Variants in AFG2A observed in about 807,000 individuals in gnomAD.
AFG2A encodes the protein ATPase family gene 2 protein homolog A.
the AFG2A span, among the ~76,000 whole-genome samples, chr4:123,297,211 A>AT: frequency 6.6e-6 from 1 of 152,198 alleles, no homozygotes; most frequent in Non-Finnish European, 1.5e-5. Context: ...CAAAGATAGC[A>AT]TTTTCTAACT....
chr4:122,970,616 C>T, the AFG2A span, among the ~76,000 whole-genome samples: 9 of 150,838 alleles, frequency 6.0e-5, no homozygotes, highest in Non-Finnish European at 1.0e-4. Context: ...CATTGTGTTA[C>T]GGTTACCTAC....
the AFG2A span, among the ~76,000 whole-genome samples, chr4:123,299,161 G>A: frequency 6.7e-5 from 10 of 150,118 alleles, no homozygotes; most frequent in Admixed American, 1.3e-4. Flanking sequence ...GTCTGTGCAC[G>A]CATGCATGTA....
At chr4:123,108,717 T>G in the AFG2A span, among the ~76,000 whole-genome samples, 5 of 152,144 alleles carry the variant, frequency 3.3e-5, no homozygotes, top group Non-Finnish European at 7.4e-5. Context: ...TATAAAAGTA[T>G]AGTATATTCT....
At chr4:123,044,680 A>G in the AFG2A span, among the ~76,000 whole-genome samples, 3 of 152,152 alleles carry the variant, frequency 2.0e-5, no homozygotes, top group African/African-American at 7.2e-5. Context: ...TTAAAATAAT[A>G]CATCTTTTAC....
the AFG2A span, among the ~76,000 whole-genome samples, chr4:122,989,894 G>A: frequency 1.3e-5 from 2 of 152,100 alleles, no homozygotes; most frequent in Non-Finnish European, 2.9e-5. Context: ...ATCTCTCTTT[G>A]TTGCCCAGGC....
At chr4:123,156,025 A>G in the AFG2A span, among the ~76,000 whole-genome samples, 2 of 152,128 alleles carry the variant, frequency 1.3e-5, no homozygotes, top group African/African-American at 4.8e-5. Flanking sequence ...GGCAGCTTCT[A>G]CCTCTGAGGA....
At chr4:123,036,656 A>G in the AFG2A span, among the ~76,000 whole-genome samples, 1 of 152,156 alleles carries the variant, frequency 6.6e-6, no homozygotes, top group Non-Finnish European at 1.5e-5. Flanking sequence ...TACACATTTT[A>G]CAACTTGCCT....
the AFG2A span, among the ~76,000 whole-genome samples, chr4:123,146,928 G>C: frequency 0.15 from 23,174 of 152,026 alleles, 2,165 homozygotes; most frequent in East Asian, 0.45. Context: ...AGTCTTCCGT[G>C]AGCAAAGATC....
At chr4:122,930,774 G>T in the AFG2A span, among the ~76,000 whole-genome samples, 1 of 152,104 alleles carries the variant, frequency 6.6e-6, no homozygotes, top group African/African-American at 2.4e-5. Context: ...GCAGTAATTC[G>T]TTGACTGGAA....
At chr4:123,219,348 A>G in the AFG2A span, among the ~76,000 whole-genome samples, 2 of 152,190 alleles carry the variant, frequency 1.3e-5, no homozygotes, top group Non-Finnish European at 2.9e-5. Flanking sequence ...GCTGGCGGCC[A>G]TTGGATGGCA....
chr4:123,183,792 C>T, the AFG2A span, among the ~76,000 whole-genome samples: 2 of 152,158 alleles, frequency 1.3e-5, no homozygotes, highest in Admixed American at 6.5e-5. Flanking sequence ...TAGGGTCTGG[C>T]TCTGTCACAC....
the AFG2A span, among the ~76,000 whole-genome samples, chr4:122,999,281 TTC>T: frequency 0.012 from 1,831 of 152,298 alleles, 42 homozygotes; most frequent in African/African-American, 0.041. Context: ...TGCTGGTAAT[TTC>T]TTTTGCTGTG....
the AFG2A span, among the ~76,000 whole-genome samples, chr4:123,292,297 G>A: frequency 1.3e-5 from 2 of 151,936 alleles, no homozygotes; most frequent in Middle Eastern, 3.4e-3. Flanking sequence ...CTTTATGTTG[G>A]TTTTCAATTT....
At chr4:122,927,692 T>C in the AFG2A span, 1 of 1,613,322 alleles carries the variant, frequency 6.2e-7, no homozygotes, top group South Asian at 1.1e-5. Context: ...GACTCAACAC[T>C]ATGAAGTCTG....
the AFG2A span, among the ~76,000 whole-genome samples, chr4:123,212,495 G>C: frequency 6.6e-6 from 1 of 152,218 alleles, no homozygotes; most frequent in Non-Finnish European, 1.5e-5. Context: ...AAGAAACACC[G>C]TAAGAACATA....
chr4:123,186,518 G>A, the AFG2A span, among the ~76,000 whole-genome samples: 1 of 152,130 alleles, frequency 6.6e-6, no homozygotes, highest in Non-Finnish European at 1.5e-5. Flanking sequence ...TTCTTAAAAG[G>A]TAGGAAATGC....
chr4:123,179,509 G>A, the AFG2A span, among the ~76,000 whole-genome samples: 1 of 152,002 alleles, frequency 6.6e-6, no homozygotes, highest in Non-Finnish European at 1.5e-5. Flanking sequence ...AGTCACACCT[G>A]GCTAATTTAT....
At chr4:122,963,240 G>A in the AFG2A span, among the ~76,000 whole-genome samples, 1 of 152,194 alleles carries the variant, frequency 6.6e-6, no homozygotes, top group South Asian at 2.1e-4. Flanking sequence ...TTATGTGAAT[G>A]ATCAGGGTGC....
the AFG2A span, among the ~76,000 whole-genome samples, chr4:123,293,519 G>T: frequency 6.6e-6 from 1 of 152,166 alleles, no homozygotes; most frequent in African/African-American, 2.4e-5. Flanking sequence ...TAGCCACCCT[G>T]TGGGGGCTGC....
Sources: allele counts gnomAD v4.1 joint callset (sites outside exome capture counted in the v4.1 genomes callset), GRCh38; gene constraint gnomAD v4.1.1; transcripts MANE v1.5; gene names NCBI Gene and HGNC (gene_info 2026-07-23, HGNC 2026-07-21).